Variants in ACSBG2 observed in about 807,000 individuals in gnomAD.
The protein encoded by ACSBG2 is acyl-CoA synthetase bubblegum family member 2.
Under a neutral mutation model 74.7 loss-of-function variants are expected in ACSBG2, and 62 were observed. The ratio of observed to expected loss-of-function variants is 0.83; its 90% confidence interval spans 0.68 to 1.03. The LOEUF is 1.03. Ranked by LOEUF, ACSBG2 falls within the 50% of genes least tolerant of loss-of-function variation. The pLI is 0.00. For synonymous variants in ACSBG2, 309 were observed against 294.1 expected (o/e 1.05, Z -0.52); for missense variants, 730 against 817.6 (o/e 0.89, Z 1.31).
intron 3 of ACSBG2, 29 bp from the exon 4 acceptor site, chr19:6,151,678 T>G: frequency 1.3e-6 from 2 of 1,557,190 alleles, no homozygotes; most frequent in South Asian, 2.3e-5. Context: ...GTTTATGTTT[T>G]GTTTTTCTGT....
chr19:6,151,596 C>T, intron 3 of ACSBG2, 111 bp from the exon 4 acceptor site: 1 of 1,006,886 alleles, frequency 9.9e-7, no homozygotes. Context: ...CAGGTGTGAG[C>T]CACTGCGCCT....
intron 8 of ACSBG2, among the ~76,000 whole-genome samples, chr19:6,179,863 T>A (rs1184599173): frequency 6.6e-6 from 1 of 152,168 alleles, no homozygotes; most frequent in Non-Finnish European, 1.5e-5. Flanking sequence ...TCTGCTTGCC[T>A]CAGCCTCCCA....
chr19:6,141,644 G>C, intron 2 of ACSBG2, 34 bp downstream of exon 2: 8 of 1,319,838 alleles, frequency 6.1e-6, no homozygotes, highest in Non-Finnish European at 8.8e-6. Flanking sequence ...GGGAGAGAGA[G>C]TGGCACATTG....
chr19:6,166,797 C>T (rs2089823510), intron 7 of ACSBG2, among the ~76,000 whole-genome samples: 1 of 151,900 alleles, frequency 6.6e-6, no homozygotes, highest in African/African-American at 2.4e-5. Context: ...GCCACCACAT[C>T]CAACTAATTT....
intron 2 of ACSBG2, among the ~76,000 whole-genome samples, chr19:6,143,832 TC>T (rs1265925062): frequency 6.6e-6 from 1 of 152,198 alleles, no homozygotes; most frequent in Non-Finnish European, 1.5e-5. Flanking sequence ...GAACTAGGCT[TC>T]CCTTGTTGTA....
intron 8 of ACSBG2, among the ~76,000 whole-genome samples, chr19:6,178,556 A>G (rs2090153472): frequency 6.6e-6 from 1 of 151,832 alleles, no homozygotes; most frequent in Non-Finnish European, 1.5e-5. Context: ...TGATTTTTGT[A>G]TTTTTAGTAG....
intron 7 of ACSBG2, among the ~76,000 whole-genome samples, chr19:6,173,245 G>A (rs2090009107): frequency 6.6e-6 from 1 of 152,172 alleles, no homozygotes; most frequent in Non-Finnish European, 1.5e-5. Context: ...ACAGCGCGTT[G>A]TGGGGTATGT....
At position 6,193,075 on chromosome 19, in the gene ACSBG2, T is replaced by C. The variant is rs961870745; in HGVS notation, c.*443T>C. The C allele has an allele frequency of 2.0e-5, 3 of 152,316 alleles. No individual in the cohort carries two copies. The allele number at this position is 152,316 out of a possible 1,614,324, so 9.4% of individuals were successfully genotyped here. A position where few individuals can be genotyped will look rare whatever the true frequency, so the allele number is the denominator to read the frequency against. On this transcript the variant is annotated 3_prime_UTR_variant, in exon 15 of 15. Coordinates refer to ENST00000588485, the MANE Select transcript of ACSBG2 (RefSeq NM_030924.5). ...AAACCCTTCCAATAAGTCCTGATAA[T>C]AAAGCACTTCAGGGTCCCATGTCTT...
chr19:6,138,549 GGGAGGAA>G (rs1232059036), intron 1 of ACSBG2, among the ~76,000 whole-genome samples: 3 of 128,604 alleles, frequency 2.3e-5, no homozygotes, highest in African/African-American at 1.0e-4. Flanking sequence ...GAGGGAGGGA[GGGAGGAA>G]GGAAGGAAAG....
At chr19:6,154,401 A>AG (rs2089342923) in intron 4 of ACSBG2, among the ~76,000 whole-genome samples, 3 of 59,480 alleles carry the variant, frequency 5.0e-5, no homozygotes, top group Non-Finnish European at 7.1e-5. Flanking sequence ...TCCGTCTCAA[A>AG]AAGAGAGAGA....
chr19:6,137,204 G>A (rs994124128), intron 1 of ACSBG2: 4 of 137,452 alleles, frequency 2.9e-5, no homozygotes, highest in South Asian at 2.5e-4. Flanking sequence ...CCGAGGTGGC[G>A]GGGTTGGGGG....
rs2090216196 is a variant in ACSBG2, at chr19:6,180,436, C to T, written c.907-2315C>T. 6.6e-6 allele frequency among the ~76,000 whole-genome samples: 1 copy of T among 152,184 alleles called. No homozygotes were observed. The highest frequency in any genetic ancestry group is 1.5e-5 in the Non-Finnish European group (1 of 68,034). On this transcript the variant is annotated intron_variant, in intron 8 of 14. Coordinates refer to ENST00000588485, the MANE Select transcript of ACSBG2 (RefSeq NM_030924.5). This position sits in a 1 kb window ranked among gnomAD's most constrained non-coding sequence, Gnocchi z 4.3. Reference sequence around the variant, plus strand: ...TTCCTTGGCCCCTCTCAATCCCTCTCATATGCCCCATGCTCAGTGCCTGAG... The same window carrying T: ...TTCCTTGGCCCCTCTCAATCCCTCTTATATGCCCCATGCTCAGTGCCTGAG...
intron 7 of ACSBG2, among the ~76,000 whole-genome samples, chr19:6,173,179 T>C (rs2090007295): frequency 6.6e-6 from 1 of 152,150 alleles, no homozygotes; most frequent in African/African-American, 2.4e-5. Flanking sequence ...GGGTTAGATC[T>C]TCAGGGATCC....
At chr19:6,157,947 CTCT>C (rs2089477886) in intron 5 of ACSBG2, among the ~76,000 whole-genome samples, 1 of 151,946 alleles carries the variant, frequency 6.6e-6, no homozygotes, top group African/African-American at 2.4e-5. Flanking sequence ...GTCCTGCTGT[CTCT>C]TCCCTGAGTG....
In ACSBG2 at chr19:6,190,687, C is replaced by CT. The variant is rs772305658; in HGVS notation, c.*31dup. 1.0e-4 allele frequency: 165 copies of CT among 1,602,018 alleles called. No individual in the cohort carries two copies. The African/African-American group carries it at 2.0e-3, about 19-fold the overall frequency. On this transcript the variant is annotated 3_prime_UTR_variant, in exon 14 of 15. Coordinates refer to ENST00000588485, the MANE Select transcript of ACSBG2 (RefSeq NM_030924.5). Reference sequence around the variant, plus strand: ...TTTGATGGAGCTGCTCTCAGCTGTTCTGATGGTGAGATTCAGTTGCTTGGC... The same window carrying CT: ...TTTGATGGAGCTGCTCTCAGCTGTTCTTGATGGTGAGATTCAGTTGCTTGGC...
At chr19:6,165,286 C>T (rs2089758529) in intron 6 of ACSBG2, among the ~76,000 whole-genome samples, 1 of 152,224 alleles carries the variant, frequency 6.6e-6, no homozygotes. Context: ...TTCACATACA[C>T]AGTCTGTGTC....
chr19:6,146,046 C>A (rs917644166), intron 2 of ACSBG2, among the ~76,000 whole-genome samples: 5 of 152,272 alleles, frequency 3.3e-5, no homozygotes, highest in Non-Finnish European at 7.4e-5. Flanking sequence ...TAGTCCACTG[C>A]ATGTACATTT....
At position 6,154,416 on chromosome 19, in the gene ACSBG2, G is replaced by GAGAGAGAC. The variant is rs2089345060; in HGVS notation, c.387-2008_387-2007insCAGAGAGA. Among the ~76,000 whole-genome samples, 5 of 87,788 alleles carry GAGAGAGAC rather than the reference G, an allele frequency of 5.7e-5. No individual in the cohort carries two copies. In the South Asian group the frequency reaches 2.1e-3, roughly 37 times the overall value. 57.6% of individuals were successfully genotyped at this position (87,788 alleles called of 152,430 possible). A position where few individuals can be genotyped will look rare whatever the true frequency, so the allele number is the denominator to read the frequency against. The stretch of plus-strand genomic sequence containing the variant: ...TCCGTCTCAAAAAGAGAGAGAGAGA[G>GAGAGAGAC]AGAGAGAGAGAGAGAGAAAATTATT... On this transcript the variant is annotated intron_variant, in intron 4 of 14. Transcript: ENST00000588485.
chr19:6,163,782 A>AC (rs1264193152), intron 6 of ACSBG2, among the ~76,000 whole-genome samples: 2 of 97,080 alleles, frequency 2.1e-5, no homozygotes, highest in Non-Finnish European at 2.1e-5. Context: ...AAAATAAAAT[A>AC]CAAAAAAAAA....
Sources: allele counts gnomAD v4.1 joint callset (sites outside exome capture counted in the v4.1 genomes callset), GRCh38; gene constraint gnomAD v4.1.1; non-coding constraint Gnocchi (gnomAD v3.1); transcripts MANE v1.5; gene names NCBI Gene and HGNC (gene_info 2026-07-23, HGNC 2026-07-21).